Variants in PLD5 observed in about 807,000 individuals in gnomAD.
PLD5 encodes the protein inactive phospholipase D5.
A neutral mutation model predicts 61.1 loss-of-function variants in PLD5; 36 were observed. The ratio of observed to expected loss-of-function variants is 0.59; its 90% CI spans 0.45 to 0.78. The LOEUF is 0.78. Among genes scored for constraint, PLD5 ranks in the 30% least tolerant of loss-of-function variants. The pLI, the probability that PLD5 is intolerant of heterozygous loss-of-function variation, is 0.00. For missense variants in PLD5, 515 were observed against 644.4 expected, an observed-to-expected ratio of 0.80 and a Z score of 2.17; for synonymous variants, 243 against 242.8, an observed-to-expected ratio of 1.00 and a Z score of -0.01.
At chr1:242,162,662 A>G (rs148915373) in intron 5 of PLD5, among the ~76,000 whole-genome samples, 2 of 152,052 alleles carry the variant, frequency 1.3e-5, no homozygotes, top group Non-Finnish European at 2.9e-5. Flanking sequence ...TCTAACAAAC[A>G]TTGAGTTCTA....
rs1401512070 is a variant in PLD5, at chr1:242,377,121, T to C, written c.190-28879A>G. 5.0e-6 allele frequency: 8 copies of C among 1,611,710 alleles called. No individual in the cohort carries two copies. In the Admixed American group the frequency reaches 5.0e-5, roughly 10 times the overall value. On this transcript the variant is annotated intron_variant, in intron 1 of 9. Coordinates refer to ENST00000536534, the MANE Select transcript of PLD5 (RefSeq NM_001372062.1). ...GTTATCTTCCCCAGCCCCATTTTGC[T>C]TGGACACTGGCTGAGGTTCCTTTAA...
chr1:242,386,349 A>G (rs74152368), intron 1 of PLD5, among the ~76,000 whole-genome samples: 1,863 of 152,232 alleles, frequency 0.012, 32 homozygotes, highest in African/African-American at 0.043. Context: ...TGCAATATAA[A>G]TATTTGGTGA....
intron 4 of PLD5, among the ~76,000 whole-genome samples, chr1:242,242,190 G>A (rs1430790012): frequency 6.6e-6 from 1 of 151,890 alleles, no homozygotes; most frequent in Admixed American, 6.6e-5. Context: ...GAGTGAACGA[G>A]TTAGTTGATG....
At chr1:242,219,533 AT>A (rs932711277) in intron 5 of PLD5, among the ~76,000 whole-genome samples, 4 of 152,210 alleles carry the variant, frequency 2.6e-5, no homozygotes, top group African/African-American at 4.8e-5. Flanking sequence ...GTGAAAATGT[AT>A]TTTCAACATA....
At chr1:242,482,412 C>A (rs575759143) in intron 1 of PLD5, among the ~76,000 whole-genome samples, 67 of 152,272 alleles carry the variant, frequency 4.4e-4, no homozygotes, top group Middle Eastern at 6.8e-3. Flanking sequence ...GTGACGAATG[C>A]ACAAGCCTCA....
In PLD5 at chr1:242,124,594, T is replaced by C; in HGVS notation, c.807A>G (p.Leu269=). The change falls in exon 6 of 10, where the codon CTA becomes CTG. Residue 269 remains leucine (L), a synonymous_variant. Coordinates refer to ENST00000536534, the MANE Select transcript of PLD5 (RefSeq NM_001372062.1). ...LVLDLQRIFA[L]YSSLKFKSRV... Reference sequence around the variant, plus strand: ...TGCTTTTGAATTTTAATGAACTATATAGAGCAAATATCCTTTGTAAATCTA... The same window carrying C: ...TGCTTTTGAATTTTAATGAACTATACAGAGCAAATATCCTTTGTAAATCTA... The C allele has an allele frequency of 1.2e-6, 2 of 1,613,912 alleles. No homozygotes were observed. The highest frequency in any genetic ancestry group is 1.1e-5 in the South Asian group (1 of 91,078).
chr1:242,258,014 G>A (rs1673177352), intron 4 of PLD5, among the ~76,000 whole-genome samples: 1 of 152,182 alleles, frequency 6.6e-6, no homozygotes, highest in Admixed American at 6.5e-5. Flanking sequence ...ACGCTGCATA[G>A]CTAGGAATAT....
intron 2 of PLD5, among the ~76,000 whole-genome samples, chr1:242,343,782 A>C (rs1405610491): frequency 1.8e-5 from 1 of 55,972 alleles, no homozygotes; most frequent in Non-Finnish European, 6.6e-5. Flanking sequence ...AAAAAATTCA[A>C]AAAAAAAAAA....
chr1:242,445,668 G>A (rs1256613524), intron 1 of PLD5, among the ~76,000 whole-genome samples: 1 of 151,876 alleles, frequency 6.6e-6, no homozygotes, highest in Non-Finnish European at 1.5e-5. Context: ...CTGTTATCCA[G>A]TCTGATGTAT....
chr1:242,442,335 G>A (rs189245446), intron 1 of PLD5, among the ~76,000 whole-genome samples: 4 of 152,200 alleles, frequency 2.6e-5, no homozygotes, highest in Admixed American at 1.3e-4. Flanking sequence ...CTCAAATTCC[G>A]CCACTGCTAG....
At chr1:242,447,194 A>C (rs1359255934) in intron 1 of PLD5, among the ~76,000 whole-genome samples, 1 of 152,230 alleles carries the variant, frequency 6.6e-6, no homozygotes, top group Non-Finnish European at 1.5e-5. Flanking sequence ...AATTATTTGC[A>C]TTTCCTTTAA....
At chr1:242,442,045 T>A (rs1179293722) in intron 1 of PLD5, among the ~76,000 whole-genome samples, 1 of 152,162 alleles carries the variant, frequency 6.6e-6, no homozygotes, top group Non-Finnish European at 1.5e-5. Context: ...CTCTGCCACC[T>A]CTCGCTGACA....
intron 1 of PLD5, among the ~76,000 whole-genome samples, chr1:242,421,627 G>A (rs1164534607): frequency 1.3e-5 from 2 of 152,174 alleles, no homozygotes; most frequent in African/African-American, 2.4e-5. Flanking sequence ...CTATATCAAC[G>A]AAAGTTGGGA....
chr1:242,261,889 G>T (rs961269061), intron 4 of PLD5, among the ~76,000 whole-genome samples: 15 of 152,188 alleles, frequency 9.9e-5, no homozygotes, highest in African/African-American at 3.4e-4. Context: ...GTGTGAATTA[G>T]TACAACCACT....
chr1:242,355,157 C>A (rs1660688354), intron 1 of PLD5, among the ~76,000 whole-genome samples: 1 of 152,144 alleles, frequency 6.6e-6, no homozygotes, highest in South Asian at 2.1e-4. Flanking sequence ...TGGAAGTATT[C>A]TTTCCTCTGT....
At chr1:242,487,887 T>C (rs1021752880) in intron 1 of PLD5, among the ~76,000 whole-genome samples, 1 of 152,210 alleles carries the variant, frequency 6.6e-6, no homozygotes, top group African/African-American at 2.4e-5. Context: ...ATGTGTATAA[T>C]TTATATGTAT....
At chr1:242,446,947 C>T (rs1666567033) in intron 1 of PLD5, among the ~76,000 whole-genome samples, 1 of 152,182 alleles carries the variant, frequency 6.6e-6, no homozygotes, top group Admixed American at 6.5e-5. Flanking sequence ...GGCATTACCC[C>T]TCACTAGCTG....
intron 5 of PLD5, among the ~76,000 whole-genome samples, chr1:242,125,235 TAAG>T (rs936596951): frequency 2.6e-5 from 4 of 152,370 alleles, no homozygotes; most frequent in Admixed American, 2.6e-4. Flanking sequence ...TTAATACATA[TAAG>T]AAGTGTCTAT....
Position 242,160,840 on chromosome 1 carries a change from G to T in PLD5, c.736-36175C>A, listed in dbSNP as rs542478519. 1.7e-4 allele frequency among the ~76,000 whole-genome samples: 25 copies of T among 151,238 alleles called. 1 individual carries two copies. The highest frequency in any genetic ancestry group is 2.5e-4 in the Non-Finnish European group (17 of 67,900). On this transcript the variant is annotated intron_variant, in intron 5 of 9. Coordinates refer to ENST00000536534, the MANE Select transcript of PLD5 (RefSeq NM_001372062.1). ...ATGGAGGTTGCAGTGAGCTTTGATCGAGCCACTGCACTCCAGCCTGAGCAA... is the reference window on the plus strand; with the variant it reads ...ATGGAGGTTGCAGTGAGCTTTGATCTAGCCACTGCACTCCAGCCTGAGCAA...
Sources: gnomAD v4.1 joint callset for allele counts (sites outside exome capture counted in the v4.1 genomes callset) on GRCh38, gnomAD v4.1.1 for gene constraint, MANE v1.5 for transcripts, NCBI Gene and HGNC (gene_info 2026-07-23, HGNC 2026-07-21) for gene names.